YEATS2: variants seen among roughly 807,000 people sequenced by gnomAD.
The protein encoded by YEATS2 is YEATS domain-containing protein 2.
In YEATS2, 77 loss-of-function variants were observed where a neutral mutation model predicts 163.2. That is an observed-to-expected ratio of 0.47 (90% CI 0.39 to 0.57). The LOEUF is 0.57. Among genes scored for constraint, YEATS2 ranks in the 20% least tolerant of loss-of-function variants. The pLI is 0.00. For synonymous variants in YEATS2, 631 were observed against 645.1 expected, an observed-to-expected ratio of 0.98 and a Z score of 0.33; for missense variants, 1,549 against 1,729.8, an observed-to-expected ratio of 0.90 and a Z score of 1.85.
At chr3:183,737,254 C>T (rs1026120873) in intron 8 of YEATS2, among the ~76,000 whole-genome samples, 2 of 152,096 alleles carry the variant, frequency 1.3e-5, no homozygotes, top group South Asian at 2.1e-4. Flanking sequence ...GAAGAAAATC[C>T]GTGTATAAGC....
intron 30 of YEATS2, 155 bp from the exon 31 acceptor site, chr3:183,810,320 C>T (rs769301935): frequency 1.6e-6 from 1 of 619,476 alleles, no homozygotes; most frequent in South Asian, 2.0e-5. Context: ...GAAGGCAGTC[C>T]TCACCCCAGA....
chr3:183,724,454 A>G lies in YEATS2; in HGVS notation c.573A>G (p.Glu191=). ...TSRITGSHKT[E]QRNADLTDET... is the part of the protein sequence containing the mutation. Reference sequence around the variant, plus strand: ...GAATTACTGGCTCCCATAAAACAGAACAGCGGAATGCTGATCTCACAGATG... The same window carrying G: ...GAATTACTGGCTCCCATAAAACAGAGCAGCGGAATGCTGATCTCACAGATG... The change falls in exon 6 of 31, where the codon GAA becomes GAG. Residue 191 remains glutamate, a synonymous_variant. Coordinates refer to ENST00000305135, the MANE Select transcript of YEATS2 (RefSeq NM_018023.5). 1.2e-6 allele frequency: 2 copies of G among 1,613,780 alleles called. No homozygotes were observed. The highest frequency in any genetic ancestry group is 1.7e-6 in the Non-Finnish European group (2 of 1,179,864).
rs144744688 is a variant in YEATS2, at chr3:183,764,743, G to A, written c.1947+2464G>A. Among the ~76,000 whole-genome samples the A allele has an allele frequency of 6.2e-3, 949 of 152,296 alleles. 10 individuals carry two copies. Among genetic ancestry groups the A allele is most frequent in the African/African-American group, 0.022 (900 of 41,564 alleles). On this transcript the variant is annotated intron_variant, in intron 15 of 30. Transcript: ENST00000305135. ...AAACGCTTGACCCCGGCAGGCAGAG[G>A]TTGCAGTGAGACGAGATCTTGCTAT... is the stretch of plus-strand genomic sequence containing the variant.
At chr3:183,799,817 GTTTTTTTTTTTTTTC>G (rs954879833) in intron 23 of YEATS2, among the ~76,000 whole-genome samples, 6 of 133,052 alleles carry the variant, frequency 4.5e-5, no homozygotes, top group Non-Finnish European at 9.7e-5. Context: ...GAGTAGCATT[GTTTTTTTTTTTTTTC>G]TTTTTTTTTT....
intron 15 of YEATS2, among the ~76,000 whole-genome samples, chr3:183,768,092 C>G (rs925821005): frequency 1.3e-5 from 2 of 152,184 alleles, no homozygotes; most frequent in Non-Finnish European, 2.9e-5. Context: ...GAGAAAAGTT[C>G]AACTACTGCA....
At chr3:183,783,019 A>G (rs1225819745) in intron 19 of YEATS2, among the ~76,000 whole-genome samples, 3 of 152,206 alleles carry the variant, frequency 2.0e-5, no homozygotes, top group African/African-American at 7.2e-5. Context: ...AATTTTAGCC[A>G]TTGTTGTGAG....
intron 18 of YEATS2, among the ~76,000 whole-genome samples, chr3:183,776,856 G>A (rs1723049121): frequency 6.6e-6 from 1 of 151,870 alleles, no homozygotes; most frequent in South Asian, 2.1e-4. Context: ...GAAGGCTGAG[G>A]CAGGAGAATC....
intron 11 of YEATS2, among the ~76,000 whole-genome samples, chr3:183,755,102 G>A (rs1720577977): frequency 6.6e-6 from 1 of 152,016 alleles, no homozygotes; most frequent in African/African-American, 2.4e-5. Context: ...GAGATAAATA[G>A]CTTCTAATTG....
chr3:183,730,052 G>GTTTGTTTTTTTTTTTTTTTTT (rs1560244258), intron 7 of YEATS2, among the ~76,000 whole-genome samples: 10 of 41,718 alleles, frequency 2.4e-4, no homozygotes, highest in Non-Finnish European at 2.6e-4. Flanking sequence ...TTTTTTGTTT[G>GTTTGTTTTTTTTTTTTTTTTT]TTTTTTTTTT....
In YEATS2 at chr3:183,752,110, A is replaced by G. The variant is rs975785725; in HGVS notation, c.1007A>G (p.Glu336Gly). ...GAACTCCATCGCCATTCTCTCGGAG[A>G]AGACTGTATCTATCCTCAGTCCTCG... Reference protein sequence around the residue: ...DVELHRHSLGEDCIYPQSSES... With the variant: ...DVELHRHSLGGDCIYPQSSES... The change falls in exon 10 of 31, where the codon GAA (glutamate) becomes GGA (glycine). Residue 336 changes from glutamate (E) to glycine (G), a missense_variant. By Grantham distance (98) the Glu-to-Gly change is moderately conservative. Transcript: ENST00000305135. 1.9e-6 allele frequency: 3 copies of G among 1,614,090 alleles called. No individual in the cohort carries two copies. The highest frequency in any genetic ancestry group is 2.5e-6 in the Non-Finnish European group (3 of 1,180,008).
Position 183,803,169 on chromosome 3 carries a change from A to G in YEATS2, c.3503-87A>G, listed in dbSNP as rs548001869. 4.1e-4 allele frequency: 575 copies of G among 1,403,654 alleles called. 4 individuals are homozygous for G. Among genetic ancestry groups the G allele is most frequent in the Admixed American group, 1.4e-3 (74 of 51,744 alleles). 86.9% of individuals were successfully genotyped at this position (1,403,654 alleles called of 1,614,324 possible). On this transcript the variant is annotated intron_variant, in intron 25 of 30. Transcript: ENST00000305135. ...ACATACATGCGATAAAGAGGTCTGAAGAAGTGACTGGCTTGCCTCCAGCAA... is the reference window on the plus strand; with the variant it reads ...ACATACATGCGATAAAGAGGTCTGAGGAAGTGACTGGCTTGCCTCCAGCAA...
intron 17 of YEATS2, 120 bp from the exon 18 acceptor site, chr3:183,775,795 A>G (rs1440407091): frequency 2.7e-6 from 4 of 1,473,742 alleles, no homozygotes; most frequent in African/African-American, 1.4e-5. Flanking sequence ...GACGGAGGAA[A>G]ATGGGAAAGA....
At chr3:183,754,016 A>G (rs1720455406) in intron 10 of YEATS2, 110 bp from the exon 11 acceptor site, 6 of 1,351,970 alleles carry the variant, frequency 4.4e-6, no homozygotes, top group South Asian at 1.8e-5. Context: ...CTACCAGTAC[A>G]TGGTTTAAAA....
chr3:183,781,993 G>A (rs1560308965), intron 19 of YEATS2, among the ~76,000 whole-genome samples: 1 of 152,016 alleles, frequency 6.6e-6, no homozygotes, highest in Non-Finnish European at 1.5e-5. Context: ...CATGTCAGTG[G>A]AATTATATAG....
chr3:183,761,809 A>C (rs777933425), intron 14 of YEATS2, among the ~76,000 whole-genome samples, 195 bp downstream of exon 14: 2 of 152,212 alleles, frequency 1.3e-5, no homozygotes, highest in Non-Finnish European at 2.9e-5. Context: ...CATGGAGCAC[A>C]GTGTGTTTGT....
intron 7 of YEATS2, among the ~76,000 whole-genome samples, chr3:183,730,052 GTTTTTTTTTTTTTTT>G (rs869091775): frequency 2.5e-3 from 103 of 41,720 alleles, no homozygotes; most frequent in Middle Eastern, 0.028. Flanking sequence ...TTTTTTGTTT[GTTTTTTTTTTTTTTT>G]TTTTTTTTTT....
chr3:183,734,774 A>G (rs938217715), intron 7 of YEATS2, among the ~76,000 whole-genome samples: 1 of 152,190 alleles, frequency 6.6e-6, no homozygotes, highest in Non-Finnish European at 1.5e-5. Flanking sequence ...AAATTAGTCG[A>G]GCAGGGAGCT....
intron 8 of YEATS2, among the ~76,000 whole-genome samples, chr3:183,742,973 A>G (rs989867721): frequency 1.3e-5 from 2 of 152,354 alleles, no homozygotes; most frequent in South Asian, 2.1e-4. Flanking sequence ...TTAGCAAGAA[A>G]GTATTTTTAA....
At chr3:183,801,431 T>G (rs1220248678) in intron 24 of YEATS2, 24 bp from the exon 25 acceptor site, 2 of 1,578,474 alleles carry the variant, frequency 1.3e-6, no homozygotes, top group Non-Finnish European at 8.6e-7. Flanking sequence ...ATTTATTGCC[T>G]TAATTTTTTT....
Sources: gnomAD v4.1 joint callset for allele counts (sites outside exome capture counted in the v4.1 genomes callset) on GRCh38, gnomAD v4.1.1 for gene constraint, MANE v1.5 for transcripts, NCBI Gene and HGNC (gene_info 2026-07-23, HGNC 2026-07-21) for gene names.